The following PDGFC variants were observed in gnomAD, a reference collection of about 807,000 sequenced individuals.
The protein encoded by PDGFC is platelet derived growth factor C, also known as platelet-derived growth factor C.
In PDGFC, 12 loss-of-function variants were observed where a neutral mutation model predicts 35.5. That is an observed-to-expected ratio of 0.34 (90% CI 0.22 to 0.55). The LOEUF (loss-of-function observed/expected upper bound fraction) is 0.55, where lower values mean the gene tolerates loss of function less well. Ranked by LOEUF, PDGFC falls within the 20% of genes least tolerant of loss-of-function variation. The pLI, the probability that PDGFC is intolerant of heterozygous loss-of-function variation, is 0.91. For missense variants in PDGFC, 322 were observed against 412.4 expected (o/e 0.78, Z 1.90); for synonymous variants, 159 against 148.8 (o/e 1.07, Z -0.50).
chr4:156,955,165 G>A (rs1354191056), intron 1 of PDGFC, among the ~76,000 whole-genome samples: 6 of 151,904 alleles, frequency 3.9e-5, no homozygotes, highest in Non-Finnish European at 7.4e-5. Flanking sequence ...CTTTGAACAC[G>A]CAGCATGAAG....
At chr4:156,811,108 G>T in intron 2 of PDGFC, 91 bp from the exon 3 acceptor site, 2 of 740,182 alleles carry the variant, frequency 2.7e-6, no homozygotes, top group Non-Finnish European at 4.2e-6. Flanking sequence ...ATGACTCTAC[G>T]GACCACAGCA....
chr4:156,836,645 A>C (rs1358588695), intron 2 of PDGFC, among the ~76,000 whole-genome samples: 1 of 152,200 alleles, frequency 6.6e-6, no homozygotes, highest in Non-Finnish European at 1.5e-5. Flanking sequence ...TGAAGGTGTA[A>C]GTATGACCTA....
intron 2 of PDGFC, among the ~76,000 whole-genome samples, chr4:156,830,349 A>G (rs1428819335): frequency 6.6e-6 from 1 of 151,796 alleles, no homozygotes; most frequent in Admixed American, 6.6e-5. Flanking sequence ...GAACTTACGC[A>G]CCTCAAACTA....
intron 1 of PDGFC, among the ~76,000 whole-genome samples, chr4:156,890,766 T>C (rs1194617617): frequency 6.6e-6 from 1 of 152,206 alleles, no homozygotes; most frequent in East Asian, 1.9e-4. Flanking sequence ...AAATGTGCAA[T>C]GTTACATGTG....
chr4:156,880,907 C>T (rs1198649567), intron 1 of PDGFC, among the ~76,000 whole-genome samples: 1 of 152,080 alleles, frequency 6.6e-6, no homozygotes, highest in Non-Finnish European at 1.5e-5. Flanking sequence ...GGAATCTGCT[C>T]CTGATGGAGG....
At chr4:156,805,398 CA>C (rs1235145606) in intron 3 of PDGFC, among the ~76,000 whole-genome samples, 4 of 151,852 alleles carry the variant, frequency 2.6e-5, no homozygotes, top group Non-Finnish European at 5.9e-5. Context: ...GAGGTAAATA[CA>C]AATCTATTTT....
chr4:156,955,858 T>G (rs75147839), intron 1 of PDGFC, among the ~76,000 whole-genome samples: 1 of 151,978 alleles, frequency 6.6e-6, no homozygotes. Context: ...AAGTAGTTCA[T>G]TTTTGAATAG....
chr4:156,762,949 A>C lies in PDGFC; in HGVS notation c.*141T>G. The C allele has an allele frequency of 1.7e-6, 1 of 574,460 alleles. No individual in the cohort carries two copies. The highest frequency in any genetic ancestry group is 2.8e-5 in the East Asian group (1 of 36,330). 35.6% of individuals were successfully genotyped at this position (574,460 alleles called of 1,614,324 possible). ...AATTCTGTTTGATGTCTCCTCTTTC[A>C]GAATGCACTGTAAATCCTGAAGATG... On this transcript the variant is annotated 3_prime_UTR_variant, in exon 6 of 6. Coordinates refer to ENST00000502773, the MANE Select transcript of PDGFC (RefSeq NM_016205.3).
intron 1 of PDGFC, among the ~76,000 whole-genome samples, chr4:156,881,351 T>A (rs981825535): frequency 2.0e-5 from 3 of 152,102 alleles, no homozygotes; most frequent in Admixed American, 1.3e-4. Context: ...GCCTATAGGG[T>A]GGTACAAATG....
rs552294965 is a variant in PDGFC, at chr4:156,889,506, TC to T, written c.119-39091del. On this transcript the variant is annotated intron_variant, in intron 1 of 5. Transcript: ENST00000502773. ...ACTGGGATTCCAATTTGGGTCACCT[TC>T]AAGGTTAGTGCTCTTAATTGCCATA... 2.2e-4 allele frequency among the ~76,000 whole-genome samples: 34 copies of T among 152,328 alleles called. No individual in the cohort carries two copies. In the South Asian group the frequency reaches 6.6e-3, roughly 30 times the overall value.
chr4:156,851,945 A>AG (rs1305664129), intron 1 of PDGFC, among the ~76,000 whole-genome samples: 1 of 150,350 alleles, frequency 6.7e-6, no homozygotes, highest in Non-Finnish European at 1.5e-5. Context: ...AAAAAAAAAA[A>AG]AAAAAAAAAA....
At chr4:156,861,317 C>A (rs1042363899) in intron 1 of PDGFC, 10 of 340,212 alleles carry the variant, frequency 2.9e-5, no homozygotes, top group African/African-American at 6.4e-5. Context: ...TAAACAAATT[C>A]TCTTGCTCTA....
intron 1 of PDGFC, among the ~76,000 whole-genome samples, chr4:156,877,762 T>C (rs753331709): frequency 6.6e-6 from 1 of 152,146 alleles, no homozygotes; most frequent in Non-Finnish European, 1.5e-5. Flanking sequence ...ATACTTCCTC[T>C]TCTGAGTTCA....
intron 1 of PDGFC, among the ~76,000 whole-genome samples, chr4:156,908,876 G>A (rs574233060): frequency 6.6e-4 from 101 of 152,170 alleles, no homozygotes; most frequent in Non-Finnish European, 1.2e-3. Context: ...TGTGGCATAT[G>A]TATACAAGAA....
At chr4:156,805,387 C>T (rs925741650) in intron 3 of PDGFC, among the ~76,000 whole-genome samples, 6 of 151,908 alleles carry the variant, frequency 3.9e-5, no homozygotes. Context: ...TCTTAATTCT[C>T]GAGGTAAATA....
intron 3 of PDGFC, among the ~76,000 whole-genome samples, chr4:156,780,819 C>CG (rs1284584276): frequency 1.3e-5 from 2 of 152,174 alleles, no homozygotes; most frequent in East Asian, 3.9e-4. Context: ...ATGACCCCCC[C>CG]ACATGGCTGA....
chr4:156,953,817 C>T (rs1313077522), intron 1 of PDGFC, among the ~76,000 whole-genome samples: 2 of 151,800 alleles, frequency 1.3e-5, no homozygotes, highest in Non-Finnish European at 2.9e-5. Context: ...TAATCAATAC[C>T]CCCAACTCAC....
In PDGFC at chr4:156,763,149, C is replaced by T. The variant is rs538854061; in HGVS notation, c.979G>A (p.Val327Met). The change falls in exon 6 of 6, where the codon GTG (valine) becomes ATG (methionine). Residue 327 changes from valine (V) to methionine (M), a missense_variant. By Grantham distance (21) the Val-to-Met change is conservative (BLOSUM62 1). Transcript: ENST00000502773. The part of the protein sequence containing the change: ...VRGLHKSLTD[V>M]ALEHHEECDC... ...CACTCCTCATGGTGCTCCAGGGCCA[C>T]GTCGGTGAGTGATTTGTGCAATCCC... The T allele has an allele frequency of 2.5e-6, 4 of 1,613,348 alleles. No homozygotes were observed. The highest frequency in any genetic ancestry group is 3.3e-5 in the Admixed American group (2 of 60,014).
Position 156,767,807 on chromosome 4 carries a change from C to T in PDGFC, c.887G>A (p.Cys296Tyr). 6.2e-7 allele frequency: 1 copy of T among 1,613,030 alleles called. No homozygotes were observed. The highest frequency in any genetic ancestry group is 8.5e-7 in the Non-Finnish European group (1 of 1,179,174). ...CCLHNCNECQ[C>Y]VPSKVTKKYH... ...TTTTTTAGTAACTTTGCTTGGGACA[C>T]ATTGACATTCATTGCAATTGTGGAG... Residue 296 changes from cysteine (C) to tyrosine (Y), a missense_variant, in exon 5 of 6, where the codon TGT becomes TAT. By Grantham distance (194) the Cys-to-Tyr change is radical. Transcript: ENST00000502773.
Sources: gnomAD v4.1 joint callset for allele counts (sites outside exome capture counted in the v4.1 genomes callset) on GRCh38, gnomAD v4.1.1 for gene constraint, MANE v1.5 for transcripts, NCBI Gene and HGNC (gene_info 2026-07-23, HGNC 2026-07-21) for gene names.